USP49: variants seen among roughly 807,000 people sequenced by gnomAD.
USP49 encodes ubiquitin specific peptidase 49.
In USP49, 24 loss-of-function variants were observed where a neutral mutation model predicts 58.6. That is an observed-to-expected ratio of 0.41 (90% confidence interval 0.30 to 0.58). USP49 has a LOEUF of 0.58. Ranked by LOEUF, USP49 falls within the 20% of genes least tolerant of loss-of-function variation. USP49 has a pLI of 0.30. For missense variants in USP49, 703 were observed against 866.1 expected (o/e 0.81, Z 2.36); for synonymous variants, 408 against 365.1 (o/e 1.12, Z -1.34).
chr6:41,883,277 C>G (rs1182905464), intron 2 of USP49, among the ~76,000 whole-genome samples: 1 of 150,134 alleles, frequency 6.7e-6, no homozygotes, highest in South Asian at 2.1e-4. Context: ...TTGCTTGAAC[C>G]CAGGAGATGG....
At chr6:41,818,344 CACACACACACACAT>C (rs1279320400) in intron 3 of USP49, among the ~76,000 whole-genome samples, 4 of 151,154 alleles carry the variant, frequency 2.6e-5, no homozygotes, top group African/African-American at 9.7e-5. Flanking sequence ...AGCACGTGTA[CACACACACACACAT>C]GCGCACACAC....
chr6:41,861,392 A>T (rs1774220295), intron 3 of USP49, among the ~76,000 whole-genome samples: 1 of 151,340 alleles, frequency 6.6e-6, no homozygotes, highest in Admixed American at 6.6e-5. Flanking sequence ...GCAGTGAGCC[A>T]AGATCGCGCC....
At chr6:41,849,856 C>G (rs773526320) in intron 3 of USP49, among the ~76,000 whole-genome samples, 3 of 152,040 alleles carry the variant, frequency 2.0e-5, no homozygotes, top group Non-Finnish European at 4.4e-5. Flanking sequence ...TCCACCGCTT[C>G]GACCTCCCAA....
chr6:41,859,518 ACTGTAATTGT>A (rs1166534908), intron 3 of USP49, among the ~76,000 whole-genome samples: 1 of 152,138 alleles, frequency 6.6e-6, no homozygotes, highest in Non-Finnish European at 1.5e-5. Context: ...ACCATGCTGT[ACTGTAATTGT>A]CTGTCTGCTT....
Position 41,805,698 on chromosome 6 carries a change from G to A in USP49, c.1286C>T (p.Ser429Phe). Reference sequence around the variant, plus strand: ...GACCTGTTTGGTGAGCTTCCTCTGGGAGAAGGGGATGAGGATCCGGCGTGT... The same window carrying A: ...GACCTGTTTGGTGAGCTTCCTCTGGAAGAAGGGGATGAGGATCCGGCGTGT... ...GTTRRILIPF[S>F]QRKLTKQVLK... The change falls in exon 4 of 8, where the codon TCC becomes TTC. Residue 429 changes from serine to phenylalanine, a missense_variant. Ser to Phe is a radical substitution (Grantham distance 155). This residue lies in a region of USP49 where 66 missense variants were observed against 116.0 expected (regional missense o/e 0.57). Coordinates refer to ENST00000682992, the MANE Select transcript of USP49 (RefSeq NM_001286554.2). 1 of 1,614,148 alleles carries A rather than the reference G, an allele frequency of 6.2e-7. No individual in the cohort carries two copies. Among genetic ancestry groups the A allele is most frequent in the Non-Finnish European group, 8.5e-7 (1 of 1,180,016 alleles).
At chr6:41,892,193 TC>T (rs745955601) in intron 1 of USP49, among the ~76,000 whole-genome samples, 4 of 152,222 alleles carry the variant, frequency 2.6e-5, no homozygotes, top group Non-Finnish European at 5.9e-5. Flanking sequence ...ACTCACTCTT[TC>T]CCTTGGCTGA....
chr6:41,832,570 A>G (rs1773653712), intron 3 of USP49, among the ~76,000 whole-genome samples: 1 of 152,216 alleles, frequency 6.6e-6, no homozygotes, highest in Non-Finnish European at 1.5e-5. Flanking sequence ...AAAATATGAC[A>G]TACTTAAACG....
At chr6:41,855,713 C>T (rs1365621664) in intron 3 of USP49, among the ~76,000 whole-genome samples, 2 of 151,992 alleles carry the variant, frequency 1.3e-5, no homozygotes, top group Non-Finnish European at 2.9e-5. Flanking sequence ...CCTTTTTTCA[C>T]TCACACCACT....
intron 1 of USP49, among the ~76,000 whole-genome samples, chr6:41,893,671 A>G (rs2127368273): frequency 6.6e-6 from 1 of 152,334 alleles, no homozygotes; most frequent in African/African-American, 2.4e-5. Flanking sequence ...TTTATCATCC[A>G]TACAAGAAAA....
At position 41,806,491 on chromosome 6, in the gene USP49, C is replaced by T; in HGVS notation, c.493G>A (p.Gly165Ser). Residue 165 changes from glycine to serine, a missense_variant, in exon 4 of 8, where the codon GGC becomes AGC. Around this residue, in one of 6 missense-constraint regions of USP49, gnomAD observed 376 missense variants for 373.5 expected, o/e 1.01. Coordinates refer to ENST00000682992, the MANE Select transcript of USP49 (RefSeq NM_001286554.2). This position sits in a 1 kb window ranked among gnomAD's most constrained non-coding sequence, Gnocchi z 5.9. Reference protein sequence around the residue: ...LRLWFEKSSRGQAKLEQRRQE... With the variant: ...LRLWFEKSSRSQAKLEQRRQE... ...CGCCGCTGCTCCAGCTTCGCCTGGC[C>T]CCGGGAGCTCTTCTCGAACCACAGC... is the stretch of plus-strand genomic sequence containing the variant. 6.3e-7 allele frequency: 1 copy of T among 1,598,236 alleles called. No homozygotes were observed. Among genetic ancestry groups the T allele is most frequent in the Non-Finnish European group, 8.5e-7 (1 of 1,179,296 alleles).
chr6:41,891,076 C>T (rs539529944), intron 2 of USP49, among the ~76,000 whole-genome samples: 1 of 152,114 alleles, frequency 6.6e-6, no homozygotes, highest in Non-Finnish European at 1.5e-5. Context: ...TAGAAAGGAA[C>T]TGGATAAAAG....
intron 2 of USP49, chr6:41,887,342 A>T (rs953413179): frequency 6.6e-6 from 1 of 152,208 alleles, no homozygotes; most frequent in East Asian, 1.9e-4. Flanking sequence ...TGGGTTCTAA[A>T]GGCAATGACT....
chr6:41,894,443 C>T (rs1163306328), intron 1 of USP49: 1 of 152,264 alleles, frequency 6.6e-6, no homozygotes, highest in Non-Finnish European at 1.5e-5. Context: ...TGCCCTCCCT[C>T]ACTTTACAGA....
chr6:41,812,585 T>C (rs1474458137), intron 3 of USP49, among the ~76,000 whole-genome samples: 2 of 151,686 alleles, frequency 1.3e-5, no homozygotes, highest in African/African-American at 4.8e-5. Flanking sequence ...CCCAGCTACT[T>C]GGGAGGCTGA....
intron 3 of USP49, among the ~76,000 whole-genome samples, chr6:41,824,436 C>T (rs768797658): frequency 1.1e-4 from 17 of 151,208 alleles, no homozygotes; most frequent in Non-Finnish European, 1.2e-4. Flanking sequence ...CATCGCCGGG[C>T]ACAGTGGCTT....
chr6:41,820,792 G>C (rs1474497039), intron 3 of USP49, among the ~76,000 whole-genome samples: 1 of 152,096 alleles, frequency 6.6e-6, no homozygotes, highest in Non-Finnish European at 1.5e-5. Context: ...TTCAGCCCAG[G>C]AGTTCAAGAC....
chr6:41,843,432 G>A (rs762864431), intron 3 of USP49, among the ~76,000 whole-genome samples: 9 of 152,106 alleles, frequency 5.9e-5, no homozygotes, highest in South Asian at 2.1e-4. Context: ...AAAAAAGGTC[G>A]AAACTTCCTC....
chr6:41,889,932 C>T (rs1339652112), intron 2 of USP49, among the ~76,000 whole-genome samples: 1 of 152,108 alleles, frequency 6.6e-6, no homozygotes, highest in African/African-American at 2.4e-5. Context: ...ATTTTTGCAA[C>T]TTTTCCATAT....
intron 4 of USP49, among the ~76,000 whole-genome samples, chr6:41,805,381 A>ATAT (rs1773091359): frequency 6.6e-6 from 1 of 152,224 alleles, no homozygotes; most frequent in Non-Finnish European, 1.5e-5. Context: ...ACAATTAAAG[A>ATAT]TATTCACTGA....
Sources: allele counts gnomAD v4.1 joint callset (sites outside exome capture counted in the v4.1 genomes callset), GRCh38; gene constraint gnomAD v4.1.1; regional missense constraint gnomAD v4.1.1; non-coding constraint Gnocchi (gnomAD v3.1); transcripts MANE v1.5; gene names NCBI Gene and HGNC (gene_info 2026-07-23, HGNC 2026-07-21).